The following EYS variants were observed in gnomAD, a reference collection of about 807,000 sequenced individuals.
EYS encodes the protein protein eyes shut homolog.
EYS carries 250 observed loss-of-function variants against 282.1 expected under a neutral mutation model. The ratio of observed to expected loss-of-function variants is 0.89; its 90% confidence interval spans 0.80 to 0.98. The LOEUF (loss-of-function observed/expected upper bound fraction) is 0.98, where lower values mean the gene tolerates loss of function less well. EYS is among the 50% of genes least tolerant of loss of function. The pLI, the probability that EYS is intolerant of heterozygous loss-of-function variation, is 0.00. For missense variants in EYS, 4,016 were observed against 3,709.0 expected (o/e 1.08, Z -2.15); for synonymous variants, 1,355 against 1,282.9 (o/e 1.06, Z -1.20).
rs184205940 is a variant in EYS, at chr6:65,702,132, T to C, written c.-448+5003A>G. Among the ~76,000 whole-genome samples, 9 of 152,334 alleles carry C rather than the reference T, an allele frequency of 5.9e-5. No individual in the cohort carries two copies. In the East Asian group the frequency reaches 1.7e-3, roughly 29 times the overall value. On this transcript the variant is annotated intron_variant, in intron 1 of 42. Transcript: ENST00000503581. ...CCATATCCTCAATGGCTCTCAGTTA[T>C]TTCTTCCGTGTTTTGGAGAGAATAT...
intron 15 of EYS, among the ~76,000 whole-genome samples, chr6:64,922,635 G>C (rs1020043952): frequency 6.6e-6 from 1 of 152,170 alleles, no homozygotes; most frequent in Non-Finnish European, 1.5e-5. Context: ...TTAAATGCCA[G>C]TATTCACTGG....
At chr6:64,811,455 G>T (rs1046673224) in intron 22 of EYS, among the ~76,000 whole-genome samples, 1 of 151,764 alleles carries the variant, frequency 6.6e-6, no homozygotes, top group African/African-American at 2.4e-5. Context: ...CTAGCCTGTG[G>T]ATAACTTTTC....
At chr6:65,058,960 A>G (rs1773492286) in intron 12 of EYS, among the ~76,000 whole-genome samples, 1 of 152,146 alleles carries the variant, frequency 6.6e-6, no homozygotes, top group South Asian at 2.1e-4. Flanking sequence ...ATGAATTTAG[A>G]AAGAAGAAAA....
chr6:65,324,270 A>G (rs1769558028), intron 11 of EYS, among the ~76,000 whole-genome samples: 1 of 152,148 alleles, frequency 6.6e-6, no homozygotes, highest in Non-Finnish European at 1.5e-5. Context: ...TCCTGCAAGA[A>G]TGTTACTGTA....
intron 41 of EYS, among the ~76,000 whole-genome samples, chr6:63,738,802 T>A (rs952759144): frequency 1.3e-5 from 2 of 152,160 alleles, no homozygotes; most frequent in Admixed American, 1.3e-4. Flanking sequence ...TCCCTTGTAA[T>A]TCATTTCTAC....
At chr6:65,540,881 C>A (rs1230844181) in intron 2 of EYS, among the ~76,000 whole-genome samples, 1 of 152,070 alleles carries the variant, frequency 6.6e-6, no homozygotes, top group Non-Finnish European at 1.5e-5. Context: ...CGAGATCACG[C>A]CATTGCACAC....
At chr6:65,057,770 A>T in intron 12 of EYS, 43 bp from the exon 13 acceptor site, 1 of 1,276,650 alleles carries the variant, frequency 7.8e-7, no homozygotes. Context: ...TTAACAAGAC[A>T]GGCATGTATC....
At chr6:64,069,542 TAA>T (rs1278702295) in intron 32 of EYS, among the ~76,000 whole-genome samples, 1 of 152,002 alleles carries the variant, frequency 6.6e-6, no homozygotes, top group Non-Finnish European at 1.5e-5. Context: ...AATGGACAAA[TAA>T]AAGTGTCTTA....
intron 15 of EYS, among the ~76,000 whole-genome samples, chr6:64,933,419 C>A (rs967567041): frequency 2.0e-5 from 3 of 152,010 alleles, no homozygotes; most frequent in Non-Finnish European, 4.4e-5. Context: ...AAATGCAAAT[C>A]AAAACCACAA....
At position 63,998,807 on chromosome 6, in the gene EYS, T is replaced by TAA. The variant is rs199887464; in HGVS notation, c.6834+266_6834+267dup. Reference sequence around the variant, plus strand: ...TGGAGCTGTCTTTTTTTTTTTTTTTTAAAGTCAAGCACAATGTATTAAATC... The same window carrying TAA: ...TGGAGCTGTCTTTTTTTTTTTTTTTTAAAAAGTCAAGCACAATGTATTAAATC... On this transcript the variant is annotated intron_variant, in intron 34 of 42. Transcript: ENST00000503581. 4.5e-3 allele frequency among the ~76,000 whole-genome samples: 681 copies of TAA among 150,250 alleles called. 9 individuals are homozygous for TAA. The highest frequency in any genetic ancestry group is 4.9e-3 in the Non-Finnish European group (333 of 67,604).
At position 64,963,912 on chromosome 6, in the gene EYS, AG is replaced by A. The variant is rs1770010674; in HGVS notation, c.2260-17999del. Among the ~76,000 whole-genome samples the A allele has an allele frequency of 2.0e-5, 3 of 152,306 alleles. No homozygotes were observed. In the South Asian group the frequency reaches 6.2e-4, roughly 32 times the overall value. On this transcript the variant is annotated intron_variant, in intron 14 of 42. Transcript: ENST00000503581. ...TCTTTTAAGTTGTAATACATAATATAGAATTACAATATATTATGTTGTACTT... is the reference window on the plus strand; with the variant it reads ...TCTTTTAAGTTGTAATACATAATATAAATTACAATATATTATGTTGTACTT...
At chr6:64,532,721 ATAAAT>A (rs1764391756) in intron 26 of EYS, among the ~76,000 whole-genome samples, 1 of 152,130 alleles carries the variant, frequency 6.6e-6, no homozygotes, top group African/African-American at 2.4e-5. Flanking sequence ...AAATAAATAA[ATAAAT>A]TAAATTAAAT....
At chr6:64,347,450 G>A (rs917260040) in intron 29 of EYS, among the ~76,000 whole-genome samples, 1 of 151,362 alleles carries the variant, frequency 6.6e-6, no homozygotes, top group Non-Finnish European at 1.5e-5. Context: ...CCAAAAATCT[G>A]AAGATGGAGG....
intron 14 of EYS, among the ~76,000 whole-genome samples, chr6:64,959,587 T>C (rs1769845308): frequency 6.6e-6 from 1 of 152,200 alleles, no homozygotes; most frequent in African/African-American, 2.4e-5. Flanking sequence ...CTATGACATG[T>C]AGGCTATTGA....
intron 26 of EYS, among the ~76,000 whole-genome samples, chr6:64,552,005 C>A (rs1046798733): frequency 1.3e-5 from 2 of 152,090 alleles, no homozygotes; most frequent in East Asian, 1.9e-4. Flanking sequence ...CCTGACTTCA[C>A]GTGATTCACC....
chr6:64,382,883 G>A (rs1287780454), intron 29 of EYS, among the ~76,000 whole-genome samples: 2 of 151,998 alleles, frequency 1.3e-5, no homozygotes, highest in African/African-American at 4.8e-5. Flanking sequence ...AGTGGTGGGT[G>A]GGAAAAAGTG....
intron 22 of EYS, among the ~76,000 whole-genome samples, chr6:64,689,518 AG>A (rs1182598925): frequency 6.6e-6 from 1 of 152,184 alleles, no homozygotes; most frequent in Non-Finnish European, 1.5e-5. Context: ...CGCATTGCCA[AG>A]ACAATCCTAA....
chr6:65,179,222 T>A (rs1765308010), intron 12 of EYS, among the ~76,000 whole-genome samples: 1 of 149,724 alleles, frequency 6.7e-6, no homozygotes, highest in African/African-American at 2.5e-5. Context: ...ATAGCAGAAC[T>A]GAAGGAAATA....
chr6:64,004,830 T>G (rs144986621), intron 33 of EYS, among the ~76,000 whole-genome samples: 1,735 of 152,308 alleles, frequency 0.011, 117 homozygotes, highest in Admixed American at 0.11. Context: ...TTCCATGGTA[T>G]CTATTTACCA....
Sources: allele counts gnomAD v4.1 joint callset (sites outside exome capture counted in the v4.1 genomes callset), GRCh38; gene constraint gnomAD v4.1.1; transcripts MANE v1.5; gene names NCBI Gene and HGNC (gene_info 2026-07-23, HGNC 2026-07-21).